CDHR3: variants seen among roughly 807,000 people sequenced by gnomAD.
CDHR3 encodes cadherin related family member 3.
A neutral mutation model predicts 86.6 loss-of-function variants in CDHR3; 79 were observed. That is an observed-to-expected ratio of 0.91 (90% CI 0.76 to 1.10). The LOEUF (loss-of-function observed/expected upper bound fraction) is 1.10, where lower values mean the gene tolerates loss of function less well. Ranked by LOEUF, CDHR3 falls within the 50% of genes least tolerant of loss-of-function variation. The probability of loss-of-function intolerance (pLI) is 0.00; values close to 1 mark genes in which losing one functional copy is unlikely to be tolerated. For missense variants in CDHR3, 1,081 were observed against 1,077.6 expected (o/e 1.00, Z -0.04); for synonymous variants, 421 against 402.4 (o/e 1.05, Z -0.55).
chr7:105,991,914 A>G (rs900511921), intron 4 of CDHR3, among the ~76,000 whole-genome samples: 4 of 152,146 alleles, frequency 2.6e-5, no homozygotes, highest in Admixed American at 1.3e-4. Flanking sequence ...ATGCCCTAGT[A>G]TTATTACTCT....
chr7:106,023,008 A>G (rs55805557), intron 14 of CDHR3, among the ~76,000 whole-genome samples: 6,412 of 152,316 alleles, frequency 0.042, 185 homozygotes, highest in South Asian at 0.13. Flanking sequence ...CAAACAAGCC[A>G]AAAATGATCC....
At chr7:106,027,995 T>C (rs533075118) in intron 16 of CDHR3, among the ~76,000 whole-genome samples, 3 of 152,022 alleles carry the variant, frequency 2.0e-5, no homozygotes, top group East Asian at 1.9e-4. Context: ...GGTGTGGTAG[T>C]GTACGCCTGT....
intron 2 of CDHR3, among the ~76,000 whole-genome samples, chr7:105,975,568 G>C (rs950185213): frequency 4.6e-5 from 7 of 152,178 alleles, no homozygotes; most frequent in Non-Finnish European, 1.0e-4. Context: ...GGATAATTCA[G>C]AGCCAACCAT....
rs1169643911 is a variant in CDHR3 at position 105,996,362 on chromosome 7, T to C, written c.713+8T>C. 3 of 1,561,592 alleles carry C rather than the reference T, an allele frequency of 1.9e-6. No individual in the cohort carries two copies. The highest frequency in any genetic ancestry group is 2.7e-5 in the African/African-American group (2 of 73,932). On this transcript the variant is annotated splice_region_variant and intron_variant, in intron 6 of 18. Coordinates refer to ENST00000317716, the MANE Select transcript of CDHR3 (RefSeq NM_152750.5). ...AGTCCCTCGCTTTACCAGGTAGGCC[T>C]GAGGGCATGCAGGACTCCCTGGGCC...
rs781595828 is a variant in CDHR3, at chr7:106,028,576, C to T, written c.2298C>T (p.Val766=). Residue 766 remains valine (V), a synonymous_variant, in exon 17 of 19, where the codon GTC becomes GTT. Coordinates refer to ENST00000317716, the MANE Select transcript of CDHR3 (RefSeq NM_152750.5). ...KGETKTAERD[V]VVETIQMNTI... is the part of the protein sequence containing the mutation. The stretch of plus-strand genomic sequence containing the variant: ...AAACGAAGACTGCAGAGAGAGACGT[C>T]GTGGTGGTGAGTATGGGCAGTGTGG... The T allele has an allele frequency of 2.5e-6, 4 of 1,613,890 alleles. No homozygotes were observed. The highest frequency in any genetic ancestry group is 1.3e-5 in the African/African-American group (1 of 75,018).
intron 1 of CDHR3, among the ~76,000 whole-genome samples, chr7:105,967,526 C>T (rs1469777637): frequency 2.0e-5 from 3 of 152,192 alleles, no homozygotes; most frequent in Non-Finnish European, 4.4e-5. Context: ...TGAGGAATCG[C>T]CACACTGACT....
rs528827147 is a variant in CDHR3, at chr7:106,004,632, T to C, written c.997T>C (p.Phe333Leu). The C allele has an allele frequency of 1.9e-6, 3 of 1,614,012 alleles. No homozygotes were observed. In the East Asian group the frequency reaches 6.7e-5, roughly 36 times the overall value. ...GGQENRIQIT[F>L]IVEDVNDNPA... ...TCAGGAGAATCGCATCCAGATAACC[T>C]TCATTGTGGAAGACGTCAACGACAA... is the stretch of plus-strand genomic sequence containing the variant. Residue 333 changes from phenylalanine to leucine, a missense_variant, in exon 8 of 19, where the codon TTC becomes CTC. Physicochemically the swap from Phe to Leu is conservative, Grantham distance 22. Transcript: ENST00000317716.
At chr7:106,017,541 A>G (rs899303396) in intron 11 of CDHR3, among the ~76,000 whole-genome samples, 2 of 150,566 alleles carry the variant, frequency 1.3e-5, no homozygotes, top group African/African-American at 2.5e-5. Flanking sequence ...CCTGGGCGAC[A>G]GAGTGAGACT....
intron 2 of CDHR3, among the ~76,000 whole-genome samples, chr7:105,980,585 G>GTTTT (rs56057580): frequency 9.5e-6 from 1 of 105,540 alleles, no homozygotes; most frequent in Admixed American, 1.1e-4. Context: ...GTAGTGGAAG[G>GTTTT]TTTTTTTTTT....
intron 17 of CDHR3, among the ~76,000 whole-genome samples, chr7:106,029,096 C>T (rs980032092): frequency 2.0e-5 from 3 of 152,130 alleles, no homozygotes; most frequent in South Asian, 4.2e-4. Flanking sequence ...TCTCATGCCT[C>T]GGCCTCCCAA....
At chr7:105,963,577 T>C (rs973934824) in intron 1 of CDHR3, among the ~76,000 whole-genome samples, 1 of 152,216 alleles carries the variant, frequency 6.6e-6, no homozygotes, top group Non-Finnish European at 1.5e-5. Context: ...GAGCCTAATC[T>C]AATCTATGTT....
intron 4 of CDHR3, among the ~76,000 whole-genome samples, chr7:105,993,829 G>T (rs565228937): frequency 2.0e-5 from 3 of 152,262 alleles, no homozygotes; most frequent in African/African-American, 7.2e-5. Flanking sequence ...CACGGGCATG[G>T]TCTTCCTATG....
At chr7:105,998,284 G>C (rs1432838840) in intron 6 of CDHR3, among the ~76,000 whole-genome samples, 1 of 152,196 alleles carries the variant, frequency 6.6e-6, no homozygotes, top group Non-Finnish European at 1.5e-5. Flanking sequence ...CTGAGTTTGA[G>C]CCTGAAATAC....
intron 4 of CDHR3, among the ~76,000 whole-genome samples, chr7:105,988,841 T>C (rs1183253288): frequency 6.6e-6 from 1 of 152,212 alleles, no homozygotes; most frequent in Non-Finnish European, 1.5e-5. Flanking sequence ...TAATAGCTTA[T>C]TTAACTCAGT....
At chr7:105,969,087 C>CAAAATA (rs71155493) in intron 1 of CDHR3, among the ~76,000 whole-genome samples, 38,430 of 142,888 alleles carry the variant, frequency 0.27, 5,830 homozygotes, top group Non-Finnish European at 0.35. Context: ...GACTCCGTCT[C>CAAAATA]AAAATAAAAA....
intron 8 of CDHR3, 143 bp downstream of exon 8, chr7:106,004,830 G>A (rs907903460): frequency 7.5e-5 from 56 of 747,686 alleles, no homozygotes; most frequent in African/African-American, 7.3e-4. Flanking sequence ...ACTGTTCACT[G>A]TTGTCCACAG....
At chr7:106,002,601 T>C (rs1348598692) in intron 7 of CDHR3, among the ~76,000 whole-genome samples, 3 of 152,148 alleles carry the variant, frequency 2.0e-5, no homozygotes, top group Middle Eastern at 3.2e-3. Context: ...CCATCACCTT[T>C]TTCTCAAAGG....
At chr7:106,020,588 C>A (rs1836412854) in intron 13 of CDHR3, 44 bp downstream of exon 13, 1 of 1,581,834 alleles carries the variant, frequency 6.3e-7, no homozygotes, top group South Asian at 1.2e-5. Context: ...TCTCTGAGGA[C>A]CCTGAAGTTG....
chr7:105,999,098 A>G (rs1832725112), intron 6 of CDHR3, among the ~76,000 whole-genome samples: 1 of 152,158 alleles, frequency 6.6e-6, no homozygotes, highest in Non-Finnish European at 1.5e-5. Flanking sequence ...TGTTACGGGG[A>G]AGAAGGATGT....
Sources: allele counts gnomAD v4.1 joint callset (sites outside exome capture counted in the v4.1 genomes callset), GRCh38; gene constraint gnomAD v4.1.1; transcripts MANE v1.5; gene names NCBI Gene and HGNC (gene_info 2026-07-23, HGNC 2026-07-21).